LRTM2: variants seen among roughly 807,000 people sequenced by gnomAD.
LRTM2 encodes the protein leucine rich repeat transmembrane protein 2.
LRTM2 carries 18 observed loss-of-function variants against 28.1 expected under a neutral mutation model. The observed-to-expected ratio is 0.64, with a 90% CI of 0.44 to 0.95. The LOEUF is 0.95. LRTM2 is among the 40% of genes least tolerant of loss of function. LRTM2 has a pLI of 0.00. For missense variants in LRTM2, 436 were observed against 497.2 expected (o/e 0.88, Z 1.17); for synonymous variants, 250 against 218.7 (o/e 1.14, Z -1.26).
chr12:1,836,272 G>C lies in LRTM2; in HGVS notation c.*1551G>C, dbSNP rs1204775772. 1 of 152,492 alleles carries C rather than the reference G, an allele frequency of 6.6e-6. No homozygotes were observed. Among genetic ancestry groups the C allele is most frequent in the Non-Finnish European group, 1.5e-5 (1 of 68,236 alleles). 9.4% of individuals were successfully genotyped at this position (152,492 alleles called of 1,614,324 possible). ...AGAGTGTGAAGATGGTGGGTACCTA[G>C]GTGTCATGCTCACAGGCTCAGGAGG... On this transcript the variant is annotated 3_prime_UTR_variant, in exon 5 of 5. Transcript: ENST00000299194.
At position 1,829,910 on chromosome 12, in the gene LRTM2, A is replaced by G. The variant is rs1864543303; in HGVS notation, c.68-1025A>G. 6.6e-6 allele frequency among the ~76,000 whole-genome samples: 1 copy of G among 152,008 alleles called. No individual in the cohort carries two copies. The highest frequency in any genetic ancestry group is 1.5e-5 in the Non-Finnish European group (1 of 67,986). ...TGAGCAGGCTTCTCTGCTACTCAGG[A>G]GGACACTTAGGGGTTTTTGAGGCCA... On this transcript the variant is annotated intron_variant, in intron 3 of 4. Transcript: ENST00000299194. The surrounding 1 kb of genome is among the most constrained non-coding windows in gnomAD (Gnocchi z 4.2).
intron 1 of LRTM2, chr12:1,822,172 C>T (rs1864132289): frequency 6.6e-6 from 1 of 152,202 alleles, no homozygotes; most frequent in African/African-American, 2.4e-5. Flanking sequence ...AGCAGCCGAT[C>T]TGGTGTCTTT....
At chr12:1,826,725 C>T (rs1302838090) in intron 1 of LRTM2, among the ~76,000 whole-genome samples, 3 of 152,224 alleles carry the variant, frequency 2.0e-5, no homozygotes, top group African/African-American at 7.2e-5. Flanking sequence ...AGCCGACTGT[C>T]CTGTTCTAAC....
At position 1,828,137 on chromosome 12, in the gene LRTM2, G is replaced by C. The variant is rs373797746; in HGVS notation, c.-12G>C. The C allele has an allele frequency of 6.5e-7, 1 of 1,534,404 alleles. No individual in the cohort carries two copies. Among genetic ancestry groups the C allele is most frequent in the South Asian group, 1.2e-5 (1 of 82,198 alleles). On this transcript the variant is annotated 5_prime_UTR_variant, in exon 3 of 5. Transcript: ENST00000299194. This position sits in a 1 kb window ranked among gnomAD's most constrained non-coding sequence, Gnocchi z 4.2. ...CCAGAGCGACAGGGCCCGGAGAGCC[G>C]TGGGCCTCACCATGCTGGCGCCGGG...
rs1012934237 is a variant in LRTM2, at chr12:1,829,960, T to C, written c.68-975T>C. Among the ~76,000 whole-genome samples, 2 of 152,176 alleles carry C rather than the reference T, an allele frequency of 1.3e-5. No individual in the cohort carries two copies. Among genetic ancestry groups the C allele is most frequent in the Non-Finnish European group, 2.9e-5 (2 of 68,022 alleles). On this transcript the variant is annotated intron_variant, in intron 3 of 4. Transcript: ENST00000299194. The surrounding 1 kb of genome is among the most constrained non-coding windows in gnomAD (Gnocchi z 4.2). ...ACTATTGGAAAGGGCTGCTGCATAA[T>C]GGAAGGCACTGCTCTGATGTGATTG...
intron 1 of LRTM2, chr12:1,823,322 T>C (rs1265027102): frequency 6.6e-6 from 1 of 152,292 alleles, no homozygotes; most frequent in Non-Finnish European, 1.5e-5. Context: ...GACTGATTAA[T>C]TAACCTCCAT....
intron 3 of LRTM2, among the ~76,000 whole-genome samples, chr12:1,830,373 GT>G (rs1165095650): frequency 2.6e-5 from 4 of 152,232 alleles, no homozygotes; most frequent in African/African-American, 9.7e-5. Context: ...AGGGCTAGGA[GT>G]GCTGTTTTGT....
intron 1 of LRTM2, among the ~76,000 whole-genome samples, chr12:1,823,525 C>T (rs1864195111): frequency 6.6e-6 from 1 of 152,008 alleles, no homozygotes; most frequent in African/African-American, 2.4e-5. Context: ...GCATGTGGAA[C>T]CCCCTGCTCC....
At chr12:1,826,910 A>G (rs1273837206) in intron 1 of LRTM2, among the ~76,000 whole-genome samples, 1 of 152,128 alleles carries the variant, frequency 6.6e-6, no homozygotes, top group Non-Finnish European at 1.5e-5. Context: ...AGCTCCATCC[A>G]CCTCTGGGCC....
chr12:1,822,951 G>T (rs1400890224), intron 1 of LRTM2, among the ~76,000 whole-genome samples: 1 of 152,218 alleles, frequency 6.6e-6, no homozygotes, highest in East Asian at 1.9e-4. Flanking sequence ...GAAGGGCACG[G>T]CCCCTGCAGG....
chr12:1,827,075 C>T (rs539589988), intron 1 of LRTM2, among the ~76,000 whole-genome samples: 43 of 152,326 alleles, frequency 2.8e-4, no homozygotes, highest in East Asian at 1.2e-3. Flanking sequence ...AGTGGGCTGA[C>T]GCAGGGAGCC....
In LRTM2 at chr12:1,833,565, C is replaced by T. The variant is rs188542233; in HGVS notation, c.659-702C>T. The stretch of plus-strand genomic sequence containing the variant: ...TGGCCTCGTGTGCCTCCAGGATTCC[C>T]CCTCCAGATGCCTTTGTACTTACAG... On this transcript the variant is annotated intron_variant, in intron 4 of 4. Transcript: ENST00000299194. This position sits in a 1 kb window ranked among gnomAD's most constrained non-coding sequence, Gnocchi z 4.2. Among the ~76,000 whole-genome samples the T allele has an allele frequency of 6.6e-6, 1 of 152,280 alleles. No individual in the cohort carries two copies. Among genetic ancestry groups the T allele is most frequent in the African/African-American group, 2.4e-5 (1 of 41,550 alleles).
chr12:1,829,324 T>C lies in LRTM2; in HGVS notation c.67+1109T>C, dbSNP rs1864512629. Among the ~76,000 whole-genome samples, 1 of 152,146 alleles carries C rather than the reference T, an allele frequency of 6.6e-6. No homozygotes were observed. Among genetic ancestry groups the C allele is most frequent in the Admixed American group, 6.5e-5 (1 of 15,278 alleles). The stretch of plus-strand genomic sequence containing the variant: ...CCTGGGGAAAGTCAAGTCTGAAGAA[T>C]GCTGATTTTCAAATGGCTTGGGGTG... On this transcript the variant is annotated intron_variant, in intron 3 of 4. Transcript: ENST00000299194. This position sits in a 1 kb window ranked among gnomAD's most constrained non-coding sequence, Gnocchi z 4.2.
chr12:1,822,414 T>G (rs897639135), intron 1 of LRTM2, among the ~76,000 whole-genome samples: 1 of 151,990 alleles, frequency 6.6e-6, no homozygotes, highest in Non-Finnish European at 1.5e-5. Flanking sequence ...TCCTCCTTTT[T>G]CCCCCAGCCA....
rs561987237 is a variant in LRTM2 at position 1,829,854 on chromosome 12, A to C, written c.68-1081A>C. 1.3e-5 allele frequency among the ~76,000 whole-genome samples: 2 copies of C among 152,014 alleles called. No homozygotes were observed. Among genetic ancestry groups the C allele is most frequent in the South Asian group, 4.2e-4 (2 of 4,812 alleles). On this transcript the variant is annotated intron_variant, in intron 3 of 4. Transcript: ENST00000299194. The surrounding 1 kb of genome is among the most constrained non-coding windows in gnomAD (Gnocchi z 4.2). ...TGGGCTGACCTGGTGGGGCTGAACTATTTTGAATTCTTCCCAGTTCTCTTT... is the reference window on the plus strand; with the variant it reads ...TGGGCTGACCTGGTGGGGCTGAACTCTTTTGAATTCTTCCCAGTTCTCTTT...
In LRTM2 at chr12:1,834,171, C is replaced by A; in HGVS notation, c.659-96C>A. The A allele has an allele frequency of 7.1e-7, 1 of 1,398,870 alleles. No individual in the cohort carries two copies. The highest frequency in any genetic ancestry group is 9.5e-7 in the Non-Finnish European group (1 of 1,049,826). The allele number at this position is 1,398,870 out of a possible 1,614,324, so 86.7% of individuals were successfully genotyped here. A position where few individuals can be genotyped will look rare whatever the true frequency, so the allele number is the denominator to read the frequency against. ...TTGACTACATTGCTGATAAAAACTA[C>A]CTTCTGGGGCTTCCGTTTTGGGGAG... On this transcript the variant is annotated intron_variant, in intron 4 of 4. Coordinates refer to ENST00000299194, the MANE Select transcript of LRTM2 (RefSeq NM_001039029.3). The surrounding 1 kb of genome is among the most constrained non-coding windows in gnomAD (Gnocchi z 7.6).
rs758376887 is a variant in LRTM2, at chr12:1,834,018, A to G, written c.659-249A>G. ...GCTTCTCTATAAAATGGGAATAAAG[A>G]CAATATCCATTTCACATGGCTTCTG... On this transcript the variant is annotated intron_variant, in intron 4 of 4. Transcript: ENST00000299194. This position sits in a 1 kb window ranked among gnomAD's most constrained non-coding sequence, Gnocchi z 7.6. Among the ~76,000 whole-genome samples, 1 of 152,184 alleles carries G rather than the reference A, an allele frequency of 6.6e-6. No individual in the cohort carries two copies. Among genetic ancestry groups the G allele is most frequent in the Non-Finnish European group, 1.5e-5 (1 of 68,040 alleles).
In LRTM2 at chr12:1,830,973, C is replaced by T. The variant is rs1864597689; in HGVS notation, c.106C>T (p.Leu36Phe). 13 of 1,613,208 alleles carry T rather than the reference C, an allele frequency of 8.1e-6. No homozygotes were observed. The highest frequency in any genetic ancestry group is 1.1e-5 in the Non-Finnish European group (13 of 1,179,468). The change falls in exon 4 of 5, where the codon CTC becomes TTC. Residue 36 changes from leucine (L) to phenylalanine (F), a missense_variant. Transcript: ENST00000299194. ...GATCGCCCTGTATGCTGTGGAGGCC[C>T]TCCCCACCTGCCCTTTCTCCTGCAA... Reference protein sequence around the residue: ...CWIALYAVEALPTCPFSCKCD... With the variant: ...CWIALYAVEAFPTCPFSCKCD...
chr12:1,832,088 T>C (rs1475344860), intron 4 of LRTM2, among the ~76,000 whole-genome samples: 1 of 152,212 alleles, frequency 6.6e-6, no homozygotes, highest in African/African-American at 2.4e-5. Flanking sequence ...GTCAAATGGG[T>C]TAGGCTTTAC....
Sources: gnomAD v4.1 joint callset for allele counts (sites outside exome capture counted in the v4.1 genomes callset) on GRCh38, gnomAD v4.1.1 for gene constraint, Gnocchi (gnomAD v3.1) non-coding constraint, MANE v1.5 for transcripts, NCBI Gene and HGNC (gene_info 2026-07-23, HGNC 2026-07-21) for gene names.